MICOS10: variants seen among roughly 807,000 people sequenced by gnomAD.
The protein encoded by MICOS10 is MICOS complex subunit MIC10.
MICOS10 carries 5 observed loss-of-function variants against 13.4 expected under a neutral mutation model. That is an observed-to-expected ratio of 0.37 (90% CI 0.20 to 0.78). MICOS10 has a LOEUF of 0.78. MICOS10 is among the 30% of genes least tolerant of loss of function. The pLI is 0.47. For missense variants in MICOS10, 101 were observed against 94.6 expected (o/e 1.07, Z -0.28); for synonymous variants, 35 against 33.6 (o/e 1.04, Z -0.15).
chr1:19,599,548 G>T (rs2094805982), intron 1 of MICOS10, among the ~76,000 whole-genome samples: 1 of 152,196 alleles, frequency 6.6e-6, no homozygotes, highest in Non-Finnish European at 1.5e-5. Flanking sequence ...TTGCTGTAGG[G>T]TTGTATATTA....
chr1:19,623,801 A>G (rs1270892853), intron 3 of MICOS10: 1 of 427,452 alleles, frequency 2.3e-6, no homozygotes, highest in Non-Finnish European at 4.2e-6. Context: ...TCAGATATAT[A>G]CTCATGTGCT....
intron 1 of MICOS10, among the ~76,000 whole-genome samples, chr1:19,604,975 G>A (rs991534969): frequency 7.2e-5 from 11 of 152,100 alleles, no homozygotes; most frequent in African/African-American, 2.2e-4. Context: ...GCACTTAACC[G>A]CATGCCAGGC....
chr1:19,625,711 A>T (rs1021712794), intron 3 of MICOS10: 1 of 1,179,492 alleles, frequency 8.5e-7, no homozygotes, highest in African/African-American at 1.6e-5. Context: ...TATGCATATT[A>T]TGTATTTAAT....
chr1:19,608,169 C>G, intron 1 of MICOS10: 1 of 1,300,028 alleles, frequency 7.7e-7, no homozygotes, highest in Non-Finnish European at 1.1e-6. Context: ...AACCTCGGAC[C>G]TCAGGTGGCT....
chr1:19,625,232 A>G (rs1328241270), intron 3 of MICOS10, among the ~76,000 whole-genome samples: 2 of 152,242 alleles, frequency 1.3e-5, no homozygotes, highest in Non-Finnish European at 2.9e-5. Flanking sequence ...GGCCAGCCCA[A>G]AAAGGGTGAT....
chr1:19,614,500 G>C (rs1230400533), intron 1 of MICOS10: 1 of 150,290 alleles, frequency 6.7e-6, no homozygotes, highest in Non-Finnish European at 1.5e-5. Flanking sequence ...TTTATTTTTA[G>C]TAGAGACGGG....
intron 1 of MICOS10, among the ~76,000 whole-genome samples, chr1:19,603,243 T>C (rs2094822539): frequency 6.6e-6 from 1 of 152,228 alleles, no homozygotes; most frequent in Non-Finnish European, 1.5e-5. Flanking sequence ...GGCAGGAGAA[T>C]AGCTTGAACC....
chr1:19,606,450 G>A (rs1443490192), intron 1 of MICOS10, among the ~76,000 whole-genome samples: 1 of 152,136 alleles, frequency 6.6e-6, no homozygotes, highest in Non-Finnish European at 1.5e-5. Flanking sequence ...TCCTTGTTAC[G>A]AAAGTATGGC....
intron 1 of MICOS10, among the ~76,000 whole-genome samples, chr1:19,597,330 G>A (rs1168414148): frequency 2.0e-5 from 3 of 152,198 alleles, no homozygotes; most frequent in Non-Finnish European, 4.4e-5. Flanking sequence ...GCGGGGTGGA[G>A]TTGCAGCCCG....
At chr1:19,603,127 C>T (rs777335624) in intron 1 of MICOS10, among the ~76,000 whole-genome samples, 11 of 152,060 alleles carry the variant, frequency 7.2e-5, no homozygotes, top group East Asian at 1.9e-4. Flanking sequence ...GTCAGGAGTT[C>T]GAGACCAGCC....
intron 3 of MICOS10, chr1:19,625,262 CT>C: frequency 1.0e-6 from 1 of 972,770 alleles, no homozygotes; most frequent in African/African-American, 1.7e-5. Context: ...CATTGTTCCA[CT>C]GTAACAACAA....
At chr1:19,597,174 C>A in intron 1 of MICOS10, 65 bp downstream of exon 1, 1 of 1,521,996 alleles carries the variant, frequency 6.6e-7, no homozygotes, top group East Asian at 2.5e-5. Context: ...GCTGCGCTGC[C>A]CAGGAGGAAG....
Position 19,613,236 on chromosome 1 carries a change from A to G in MICOS10, c.65-8864A>G, listed in dbSNP as rs372008504. Among the ~76,000 whole-genome samples the G allele has an allele frequency of 5.3e-5, 8 of 152,274 alleles. 1 individual carries two copies. Among genetic ancestry groups the G allele is most frequent in the East Asian group, 3.9e-4 (2 of 5,178 alleles). ...TTTGGGGCTGCAGAAGCCAACTGGTATTTTCACCTCTGATGGCGGCTTCTT... is the reference window on the plus strand; with the variant it reads ...TTTGGGGCTGCAGAAGCCAACTGGTGTTTTCACCTCTGATGGCGGCTTCTT... On this transcript the variant is annotated intron_variant, in intron 1 of 3. Transcript: ENST00000322753.
At chr1:19,623,429 C>A in intron 2 of MICOS10, 45 bp from the exon 3 acceptor site, 1 of 1,235,958 alleles carries the variant, frequency 8.1e-7, no homozygotes, top group Non-Finnish European at 1.2e-6. Flanking sequence ...GCTTTATCTT[C>A]TCTTAATAAT....
At chr1:19,618,971 T>C (rs553918919) in intron 1 of MICOS10, among the ~76,000 whole-genome samples, 1 of 152,342 alleles carries the variant, frequency 6.6e-6, no homozygotes, top group Non-Finnish European at 1.5e-5. Context: ...CTGACAACTA[T>C]ACCTTAGGCT....
At chr1:19,607,600 G>A (rs1037935687) in intron 1 of MICOS10, among the ~76,000 whole-genome samples, 1 of 152,170 alleles carries the variant, frequency 6.6e-6, no homozygotes, top group African/African-American at 2.4e-5. Context: ...GCCTATTAAT[G>A]TGCCATCATA....
At chr1:19,600,273 T>C (rs1250779986) in intron 1 of MICOS10, among the ~76,000 whole-genome samples, 1 of 152,052 alleles carries the variant, frequency 6.6e-6, no homozygotes, top group African/African-American at 2.4e-5. Context: ...TTCCCATCTG[T>C]GAAATAAGGG....
intron 1 of MICOS10, among the ~76,000 whole-genome samples, chr1:19,610,753 G>C (rs757069615): frequency 2.0e-5 from 3 of 152,072 alleles, no homozygotes; most frequent in Non-Finnish European, 4.4e-5. Context: ...AAACGTTTCT[G>C]ATTGTCAGAA....
Position 19,598,406 on chromosome 1 carries a change from C to G in MICOS10, c.64+1297C>G, listed in dbSNP as rs1167451619. ...ACTTTTGTTTTGTTACTGTTAACAG[C>G]TTGCAGTTCAGAGAGAAGACTTAAC... On this transcript the variant is annotated intron_variant, in intron 1 of 3. Transcript: ENST00000322753. Among the ~76,000 whole-genome samples, 3 of 152,140 alleles carry G rather than the reference C, an allele frequency of 2.0e-5. No individual in the cohort carries two copies. In the East Asian group the frequency reaches 5.8e-4, roughly 29 times the overall value.
Sources: gnomAD v4.1 joint callset for allele counts (sites outside exome capture counted in the v4.1 genomes callset) on GRCh38, gnomAD v4.1.1 for gene constraint, MANE v1.5 for transcripts, NCBI Gene and HGNC (gene_info 2026-07-23, HGNC 2026-07-21) for gene names.